PCNX1: variants seen among roughly 807,000 people sequenced by gnomAD.
The protein encoded by PCNX1 is pecanex 1, also known as pecanex-like protein 1.
PCNX1 carries 78 observed loss-of-function variants against 242.2 expected under a neutral mutation model. That is an observed-to-expected ratio of 0.32 (90% CI 0.27 to 0.39). PCNX1 has a LOEUF of 0.39. PCNX1 is among the 10% of genes least tolerant of loss of function. PCNX1 has a pLI of 1.00. For synonymous variants in PCNX1, 1,024 were observed against 1,032.9 expected (o/e 0.99, Z 0.17); for missense variants, 2,581 against 2,856.5 (o/e 0.90, Z 2.20).
At chr14:70,962,083 T>G (rs1424223959) in intron 2 of PCNX1, 143 bp from the exon 3 acceptor site, 2 of 606,768 alleles carry the variant, frequency 3.3e-6, no homozygotes, top group Admixed American at 5.4e-5. Flanking sequence ...ATGATCGTTG[T>G]TTACCTTTTT....
chr14:70,960,871 A>G (rs1461213099), intron 2 of PCNX1, among the ~76,000 whole-genome samples: 1 of 152,120 alleles, frequency 6.6e-6, no homozygotes, highest in African/African-American at 2.4e-5. Context: ...TACACCAATA[A>G]CAGACAAACA....
At chr14:70,964,681 C>G (rs1415433516) in intron 3 of PCNX1, among the ~76,000 whole-genome samples, 1 of 152,170 alleles carries the variant, frequency 6.6e-6, no homozygotes, top group Non-Finnish European at 1.5e-5. Context: ...CTTTTGGATC[C>G]TGTGACCTTG....
Position 71,028,737 on chromosome 14 carries a change from C to T in PCNX1, c.3504C>T (p.Ile1168=), listed in dbSNP as rs372152561. ...TGCTTGCAGCACTTTACAGTTTTAT[C>T]TGTAGCATTGTTGCAGTAGCCTTAT... The part of the protein sequence containing the change: ...TSLLAALYSF[I]CSIVAVALLY... The change falls in exon 16 of 36, where the codon ATC becomes ATT. Residue 1168 remains isoleucine, a synonymous_variant. Coordinates refer to ENST00000304743, the MANE Select transcript of PCNX1 (RefSeq NM_014982.3). The T allele has an allele frequency of 1.9e-6, 3 of 1,608,302 alleles. No homozygotes were observed. The highest frequency in any genetic ancestry group is 1.3e-5 in the African/African-American group (1 of 74,666).
intron 9 of PCNX1, among the ~76,000 whole-genome samples, chr14:71,010,226 A>G (rs2059785755): frequency 6.6e-6 from 1 of 152,090 alleles, no homozygotes; most frequent in Non-Finnish European, 1.5e-5. Flanking sequence ...ACAGTGGCAC[A>G]GTGTTTTCCC....
chr14:70,944,452 G>C (rs537168716), intron 1 of PCNX1, among the ~76,000 whole-genome samples: 140 of 152,318 alleles, frequency 9.2e-4, no homozygotes, highest in Non-Finnish European at 1.7e-3. Flanking sequence ...TTTGGAATGA[G>C]TGTATTTACC....
intron 2 of PCNX1, among the ~76,000 whole-genome samples, chr14:70,959,841 C>T (rs2058141549): frequency 7.0e-6 from 1 of 143,296 alleles, no homozygotes; most frequent in Non-Finnish European, 1.5e-5. Flanking sequence ...TTTACAGTCC[C>T]ACCAACAGTG....
At chr14:71,004,764 C>A (rs964606043) in intron 8 of PCNX1, among the ~76,000 whole-genome samples, 1 of 152,178 alleles carries the variant, frequency 6.6e-6, no homozygotes, top group African/African-American at 2.4e-5. Context: ...TAAAGGCCTT[C>A]TCTTTAAAAG....
chr14:71,065,522 C>T (rs151212431), intron 26 of PCNX1, among the ~76,000 whole-genome samples: 1 of 152,066 alleles, frequency 6.6e-6, no homozygotes, highest in African/African-American at 2.4e-5. Context: ...GATATTAACC[C>T]TTTGTCAGAT....
intron 2 of PCNX1, among the ~76,000 whole-genome samples, chr14:70,956,846 G>T (rs576875900): frequency 6.6e-6 from 1 of 152,118 alleles, no homozygotes; most frequent in Non-Finnish European, 1.5e-5. Flanking sequence ...TTGGTTTTCA[G>T]TTTTTTCAAC....
At chr14:70,927,778 C>G (rs983942507) in intron 1 of PCNX1, among the ~76,000 whole-genome samples, 8 of 151,916 alleles carry the variant, frequency 5.3e-5, no homozygotes, top group African/African-American at 1.7e-4. Context: ...TTAGTAGAGA[C>G]AGTTTCACCA....
In PCNX1 at chr14:71,068,416, TTATATG is replaced by T. The variant is rs891619627; in HGVS notation, c.4853-5117_4853-5112del. Among the ~76,000 whole-genome samples the T allele has an allele frequency of 6.1e-4, 91 of 149,292 alleles. 1 individual carries two copies. Among genetic ancestry groups the T allele is most frequent in the Admixed American group, 2.0e-4 (3 of 14,792 alleles). ...TTTATGTATACGTATATATATGTAT[TTATATG>T]TATATGTATATATGTATGTATATGT... is the stretch of plus-strand genomic sequence containing the variant. On this transcript the variant is annotated intron_variant, in intron 26 of 35. Transcript: ENST00000304743.
At chr14:70,998,711 G>A (rs536047129) in intron 8 of PCNX1, among the ~76,000 whole-genome samples, 15 of 140,486 alleles carry the variant, frequency 1.1e-4, no homozygotes, top group South Asian at 4.5e-4. Flanking sequence ...AGATTGCGCC[G>A]CTGTACTCCA....
intron 26 of PCNX1, among the ~76,000 whole-genome samples, chr14:71,070,349 A>G (rs1265566675): frequency 6.6e-6 from 1 of 152,208 alleles, no homozygotes; most frequent in Non-Finnish European, 1.5e-5. Flanking sequence ...GAATGTCCTT[A>G]CTGGCATCTA....
intron 28 of PCNX1, chr14:71,085,959 G>C (rs1026197002): frequency 1.3e-5 from 2 of 155,786 alleles, no homozygotes; most frequent in African/African-American, 4.8e-5. Context: ...ATTTGTATTA[G>C]GCTGCTTGAT....
chr14:71,056,093 C>T (rs185482624), intron 25 of PCNX1, among the ~76,000 whole-genome samples: 1 of 152,316 alleles, frequency 6.6e-6, no homozygotes, highest in African/African-American at 2.4e-5. Context: ...TGGGAAACAT[C>T]ATTTTATTGG....
intron 1 of PCNX1, among the ~76,000 whole-genome samples, chr14:70,928,069 C>T (rs930002542): frequency 1.3e-5 from 2 of 151,910 alleles, no homozygotes; most frequent in Non-Finnish European, 2.9e-5. Flanking sequence ...CTAATACTTT[C>T]ATTATTGAAT....
chr14:71,028,656 A>T, intron 15 of PCNX1, 44 bp from the exon 16 acceptor site: 1 of 1,131,514 alleles, frequency 8.8e-7, no homozygotes, highest in Non-Finnish European at 1.3e-6. Context: ...TTATTTTCAT[A>T]TATTTTTATA....
intron 8 of PCNX1, among the ~76,000 whole-genome samples, chr14:70,999,574 T>A (rs1298044456): frequency 2.0e-5 from 3 of 152,184 alleles, no homozygotes; most frequent in Non-Finnish European, 4.4e-5. Flanking sequence ...AAGTGATGCT[T>A]GAATTGATTT....
intron 20 of PCNX1, 72 bp from the exon 21 acceptor site, chr14:71,046,892 T>G (rs1364852062): frequency 7.9e-6 from 10 of 1,263,658 alleles, no homozygotes; most frequent in Non-Finnish European, 1.1e-5. Context: ...TGTTGTAAAA[T>G]TTTTCTTTCT....
Sources: gnomAD v4.1 joint callset for allele counts (sites outside exome capture counted in the v4.1 genomes callset) on GRCh38, gnomAD v4.1.1 for gene constraint, MANE v1.5 for transcripts, NCBI Gene and HGNC (gene_info 2026-07-23, HGNC 2026-07-21) for gene names.